Variants in CACNA1C observed in about 807,000 individuals in gnomAD.
CACNA1C encodes voltage-dependent L-type calcium channel subunit alpha-1C.
CACNA1C carries 30 observed loss-of-function variants against 229.0 expected under a neutral mutation model. That is an observed-to-expected ratio of 0.13 (90% CI 0.10 to 0.18). The LOEUF is 0.18. Among genes scored for constraint, CACNA1C ranks in the 10% least tolerant of loss-of-function variants. The pLI, the probability that CACNA1C is intolerant of heterozygous loss-of-function variation, is 1.00. For missense variants in CACNA1C, 1,658 were observed against 2,845.0 expected, an observed-to-expected ratio of 0.58 and a Z score of 9.49; for synonymous variants, 1,114 against 1,132.5, an observed-to-expected ratio of 0.98 and a Z score of 0.33.
intron 7 of CACNA1C, among the ~76,000 whole-genome samples, chr12:2,494,823 T>C (rs2099743418): frequency 6.6e-6 from 1 of 151,766 alleles, no homozygotes; most frequent in Non-Finnish European, 1.5e-5. Context: ...TGCTATGACA[T>C]GTGTCCCTCC....
chr12:2,380,914 G>A (rs1178884553), intron 3 of CACNA1C, among the ~76,000 whole-genome samples: 2 of 152,172 alleles, frequency 1.3e-5, no homozygotes, highest in Non-Finnish European at 2.9e-5. Flanking sequence ...GATCACCTAC[G>A]GAAGGTGCAA....
In CACNA1C at chr12:2,486,171, G is replaced by A. The variant is rs370747339; in HGVS notation, c.825G>A (p.Val275=). The change falls in exon 6 of 47, where the codon GTG becomes GTA. Residue 275 remains valine, a synonymous_variant. Coordinates refer to ENST00000399655, the MANE Select transcript of CACNA1C (RefSeq NM_000719.7). The surrounding 1 kb of genome is among the most constrained non-coding windows in gnomAD (Gnocchi z 4.9). ...CCCTGCTGCACATCGCCCTGCTTGTGCTGTTTGTCATCATCATCTACGCCA... is the reference window on the plus strand; with the variant it reads ...CCCTGCTGCACATCGCCCTGCTTGTACTGTTTGTCATCATCATCTACGCCA... ...MVPLLHIALL[V]LFVIIIYAII... 10 of 1,613,778 alleles carry A rather than the reference G, an allele frequency of 6.2e-6. No homozygotes were observed. The highest frequency in any genetic ancestry group is 8.5e-6 in the Non-Finnish European group (10 of 1,179,780).
Position 2,410,938 on chromosome 12 carries a change from TTTTCTCTCATC to T in CACNA1C, c.478-38029_478-38019del, listed in dbSNP as rs1407202870. On this transcript the variant is annotated intron_variant, in intron 3 of 46. Transcript: ENST00000399655. The surrounding 1 kb of genome is among the most constrained non-coding windows in gnomAD (Gnocchi z 5.3). Reference sequence around the variant, plus strand: ...GGCTGCCTCCCATTGTGACATGGATTTTTCTCTCATCTTTCTCTCCCTACTCCCCTTGCAGC... The same window carrying T: ...GGCTGCCTCCCATTGTGACATGGATTTTTCTCTCCCTACTCCCCTTGCAGC... 2.6e-5 allele frequency among the ~76,000 whole-genome samples: 4 copies of T among 151,982 alleles called. No individual in the cohort carries two copies. The highest frequency in any genetic ancestry group is 4.4e-5 in the Non-Finnish European group (3 of 67,968).
At chr12:2,384,261 G>T (rs1186100585) in intron 3 of CACNA1C, among the ~76,000 whole-genome samples, 2 of 152,194 alleles carry the variant, frequency 1.3e-5, no homozygotes, top group Non-Finnish European at 2.9e-5. Flanking sequence ...TATTCTCGAA[G>T]ATGTTTGTTA....
Position 2,677,603 on chromosome 12 carries a change from C to T in CACNA1C, c.4957-130C>T, listed in dbSNP as rs753626683. 4.1e-5 allele frequency: 43 copies of T among 1,057,314 alleles called. 1 individual carries two copies. The highest frequency in any genetic ancestry group is 2.8e-4 in the African/African-American group (18 of 63,928). The allele number at this position is 1,057,314 out of a possible 1,614,324, so 65.5% of individuals were successfully genotyped here. A position where few individuals can be genotyped will look rare whatever the true frequency, so the allele number is the denominator to read the frequency against. ...CCAGTTCACACACACACAAACCTTC[C>T]GGAGGGTCGACTGGCTGGGTGGAGG... On this transcript the variant is annotated intron_variant, in intron 40 of 46. Transcript: ENST00000399655. This position sits in a 1 kb window ranked among gnomAD's most constrained non-coding sequence, Gnocchi z 7.4.
chr12:2,397,485 C>A (rs373889800), intron 3 of CACNA1C, among the ~76,000 whole-genome samples: 1 of 152,214 alleles, frequency 6.6e-6, no homozygotes, highest in Admixed American at 6.5e-5. Context: ...CAGCAACACA[C>A]GTGCCGCGGA....
At chr12:2,416,621 G>A (rs574758871) in intron 3 of CACNA1C, among the ~76,000 whole-genome samples, 6 of 152,280 alleles carry the variant, frequency 3.9e-5, no homozygotes, top group Non-Finnish European at 5.9e-5. Flanking sequence ...CAACCACCAC[G>A]CTCTGAGCCT....
intron 3 of CACNA1C, among the ~76,000 whole-genome samples, chr12:2,191,419 C>T (rs2154297726): frequency 6.6e-6 from 1 of 152,244 alleles, no homozygotes; most frequent in African/African-American, 2.4e-5. Context: ...GTCACGCTGG[C>T]TCCAGGCTCA....
intron 1 of CACNA1C, among the ~76,000 whole-genome samples, chr12:2,109,611 G>C (rs2080822688): frequency 6.6e-6 from 1 of 152,180 alleles, no homozygotes; most frequent in Admixed American, 6.5e-5. Flanking sequence ...TTTGGATTTT[G>C]AAGGGATCTA....
intron 3 of CACNA1C, among the ~76,000 whole-genome samples, chr12:2,124,137 TG>T: frequency 6.6e-6 from 1 of 150,436 alleles, no homozygotes; most frequent in South Asian, 2.1e-4. Context: ...TGTGTGTGTG[TG>T]TGTGTGTGTG....
chr12:2,140,984 G>C (rs1342314174), intron 3 of CACNA1C, among the ~76,000 whole-genome samples: 1 of 151,194 alleles, frequency 6.6e-6, no homozygotes, highest in Non-Finnish European at 1.5e-5. Flanking sequence ...GGAGCGGGTA[G>C]GCAGGGAGGG....
intron 3 of CACNA1C, among the ~76,000 whole-genome samples, chr12:2,372,643 C>T (rs565852322): frequency 2.0e-5 from 3 of 151,546 alleles, no homozygotes; most frequent in Non-Finnish European, 4.4e-5. Flanking sequence ...TTTTGGCAAC[C>T]TGAAAAAATA....
chr12:2,610,651 C>T lies in CACNA1C; in HGVS notation c.3669C>T (p.Tyr1223=), dbSNP rs2077223721. 2 of 1,614,124 alleles carry T rather than the reference C, an allele frequency of 1.2e-6. No individual in the cohort carries two copies. Among genetic ancestry groups the T allele is most frequent in the African/African-American group, 2.7e-5 (2 of 74,948 alleles). The stretch of plus-strand genomic sequence containing the variant: ...TGGTCAACTCCACCTACTTCGAGTA[C>T]CTGATGTTCGTCCTCATCCTGCTCA... ...WYVVNSTYFE[Y]LMFVLILLNT... Residue 1223 remains tyrosine, a synonymous_variant, in exon 28 of 47, where the codon TAC becomes TAT. Transcript: ENST00000399655.
At chr12:2,387,884 G>A (rs73035475) in intron 3 of CACNA1C, among the ~76,000 whole-genome samples, 46 of 152,324 alleles carry the variant, frequency 3.0e-4, no homozygotes, top group Non-Finnish European at 3.2e-4. Context: ...CCTAGGAGCA[G>A]TGAAACCCCA....
intron 3 of CACNA1C, among the ~76,000 whole-genome samples, chr12:2,140,661 T>C (rs2094079180): frequency 6.6e-6 from 1 of 151,394 alleles, no homozygotes; most frequent in African/African-American, 2.4e-5. Flanking sequence ...CTGTGGTCTT[T>C]TGCCTGACAA....
Position 2,275,081 on chromosome 12 carries a change from G to A in CACNA1C, c.477+154651G>A, listed in dbSNP as rs1037287711. ...CAGGTGAAACAAGGCGGAAAGGACC[G>A]TAATTACCTCCTAACAGGTTTCCAC... is the stretch of plus-strand genomic sequence containing the variant. On this transcript the variant is annotated intron_variant, in intron 3 of 46. Transcript: ENST00000399655. This position sits in a 1 kb window ranked among gnomAD's most constrained non-coding sequence, Gnocchi z 4.1. Among the ~76,000 whole-genome samples, 6 of 152,208 alleles carry A rather than the reference G, an allele frequency of 3.9e-5. No individual in the cohort carries two copies. The highest frequency in any genetic ancestry group is 6.5e-5 in the Admixed American group (1 of 15,286).
chr12:2,616,787 C>A (rs560376405), intron 29 of CACNA1C, among the ~76,000 whole-genome samples: 1 of 152,376 alleles, frequency 6.6e-6, no homozygotes, highest in South Asian at 2.1e-4. Flanking sequence ...AGCTGCTGGC[C>A]AGACTTGCCG....
intron 5 of CACNA1C, among the ~76,000 whole-genome samples, chr12:2,477,364 G>A (rs1423315760): frequency 6.6e-6 from 1 of 152,180 alleles, no homozygotes; most frequent in Admixed American, 6.5e-5. Flanking sequence ...CACTATCCCT[G>A]GGAGGGAACT....
intron 34 of CACNA1C, among the ~76,000 whole-genome samples, chr12:2,656,153 TTC>T (rs1422031171): frequency 2.0e-5 from 3 of 152,194 alleles, no homozygotes; most frequent in Non-Finnish European, 4.4e-5. Flanking sequence ...AAGTGAAATT[TTC>T]TCTGTTTGCT....
Sources: gnomAD v4.1 joint callset for allele counts (sites outside exome capture counted in the v4.1 genomes callset) on GRCh38, gnomAD v4.1.1 for gene constraint, Gnocchi (gnomAD v3.1) non-coding constraint, MANE v1.5 for transcripts, NCBI Gene and HGNC (gene_info 2026-07-23, HGNC 2026-07-21) for gene names.